Variants in DENND4A observed in about 807,000 individuals in gnomAD.
DENND4A encodes DENN domain containing 4A.
Under a neutral mutation model 199.3 loss-of-function variants are expected in DENND4A, and 70 were observed. That is an observed-to-expected ratio of 0.35 (90% CI 0.29 to 0.43). The LOEUF (loss-of-function observed/expected upper bound fraction) is 0.43. Ranked by LOEUF, DENND4A falls within the 20% of genes least tolerant of loss-of-function variation. DENND4A has a pLI of 1.00. For synonymous variants in DENND4A, 686 were observed against 766.9 expected, an observed-to-expected ratio of 0.89 and a Z score of 1.74; for missense variants, 1,723 against 2,255.8, an observed-to-expected ratio of 0.76 and a Z score of 4.78.
intron 11 of DENND4A, among the ~76,000 whole-genome samples, chr15:65,724,371 T>C (rs2075739439): frequency 7.6e-6 from 1 of 131,066 alleles, no homozygotes; most frequent in Non-Finnish European, 1.6e-5. Context: ...ACTCTACTTT[T>C]TTTTGAATCG....
intron 1 of DENND4A, among the ~76,000 whole-genome samples, chr15:65,774,745 A>G (rs2077232009): frequency 1.3e-5 from 2 of 151,992 alleles, no homozygotes; most frequent in African/African-American, 2.4e-5. Flanking sequence ...AAAATTATAA[A>G]ATTTCAGAAT....
chr15:65,702,834 G>T, intron 16 of DENND4A, 39 bp downstream of exon 16: 1 of 1,562,222 alleles, frequency 6.4e-7, no homozygotes, highest in Non-Finnish European at 8.8e-7. Flanking sequence ...TTTATTTCTT[G>T]TTCTAAAATT....
intron 15 of DENND4A, among the ~76,000 whole-genome samples, chr15:65,703,747 GC>G (rs1390160093): frequency 6.6e-6 from 1 of 152,188 alleles, no homozygotes; most frequent in African/African-American, 2.4e-5. Context: ...CAGGAGGACT[GC>G]CTGAGCCCAG....
chr15:65,731,499 CA>C (rs769508671), intron 9 of DENND4A, 142 bp downstream of exon 9: 25 of 732,492 alleles, frequency 3.4e-5, no homozygotes, highest in Non-Finnish European at 5.7e-5. Context: ...GCAACCCAAA[CA>C]TTAAGTAAAA....
chr15:65,762,585 C>A (rs2076879386), intron 1 of DENND4A, among the ~76,000 whole-genome samples: 1 of 152,152 alleles, frequency 6.6e-6, no homozygotes, highest in Admixed American at 6.5e-5. Flanking sequence ...GCCCTGATCA[C>A]ACCACTGTGC....
Position 65,668,120 on chromosome 15 carries a change from T to A in DENND4A, c.4791A>T (p.Lys1597Asn). The change falls in exon 28 of 33, where the codon AAA becomes AAT. Residue 1597 changes from lysine to asparagine, a missense_variant. Around this residue, in one of 6 missense-constraint regions of DENND4A, gnomAD observed 141 missense variants for 170.7 expected, o/e 0.83. Coordinates refer to ENST00000443035, the MANE Select transcript of DENND4A (RefSeq NM_001320835.1). Reference protein sequence around the residue: ...SVQGNFDLNSKSKLQENFCTR... With the variant: ...SVQGNFDLNSNSKLQENFCTR... Reference sequence around the variant, plus strand: ...TGCAAAAATTTTCCTGCAGTTTAGATTTGCTTGGGAATTGAAAAAAGAAGA... The same window carrying A: ...TGCAAAAATTTTCCTGCAGTTTAGAATTGCTTGGGAATTGAAAAAAGAAGA... The A allele has an allele frequency of 6.4e-7, 1 of 1,572,022 alleles. No individual in the cohort carries two copies. Among genetic ancestry groups the A allele is most frequent in the African/African-American group, 1.4e-5 (1 of 72,294 alleles).
At chr15:65,715,858 C>T (rs2075382051) in intron 13 of DENND4A, among the ~76,000 whole-genome samples, 1 of 152,092 alleles carries the variant, frequency 6.6e-6, no homozygotes, top group African/African-American at 2.4e-5. Context: ...GTTCTCTCAC[C>T]ATCTTAAAGA....
chr15:65,699,023 C>T (rs1037026459), intron 20 of DENND4A, among the ~76,000 whole-genome samples: 1 of 152,038 alleles, frequency 6.6e-6, no homozygotes, highest in African/African-American at 2.4e-5. Context: ...CAGGTGTGAG[C>T]CACTGCACCA....
chr15:65,725,555 T>C (rs2075777427), intron 11 of DENND4A, among the ~76,000 whole-genome samples: 1 of 151,926 alleles, frequency 6.6e-6, no homozygotes, highest in African/African-American at 2.4e-5. Context: ...CGGGCACCTG[T>C]GGTCCCAGCT....
At chr15:65,697,227 G>T in intron 21 of DENND4A, 40 bp downstream of exon 21, 2 of 1,248,596 alleles carry the variant, frequency 1.6e-6, no homozygotes, top group Non-Finnish European at 2.3e-6. Context: ...ATGAATATAA[G>T]TTCTCAATTT....
In DENND4A at chr15:65,737,784, A is replaced by G. The variant is rs1343799470; in HGVS notation, c.963T>C (p.Phe321=). 6.3e-7 allele frequency: 1 copy of G among 1,595,492 alleles called. No homozygotes were observed. The highest frequency in any genetic ancestry group is 8.5e-7 in the Non-Finnish European group (1 of 1,170,412). ...TCAGAAACTTCCTGAATGCATCAAAAAAAGGCCAGTGAGAAAGAAGACAGA... is the reference window on the plus strand; with the variant it reads ...TCAGAAACTTCCTGAATGCATCAAAGAAAGGCCAGTGAGAAAGAAGACAGA... The part of the protein sequence containing the change: ...KCICLLSHWP[F]FDAFRKFLTF... The change falls in exon 7 of 33, where the codon TTT becomes TTC. Residue 321 remains phenylalanine, a synonymous_variant. Transcript: ENST00000443035.
At chr15:65,729,020 A>G (rs2140372044) in intron 11 of DENND4A, 52 bp downstream of exon 11, 1 of 1,452,820 alleles carries the variant, frequency 6.9e-7, no homozygotes, top group Middle Eastern at 1.8e-4. Context: ...AGTTACATAC[A>G]TATGCTACAA....
At chr15:65,704,601 T>C (rs1486230380) in intron 15 of DENND4A, among the ~76,000 whole-genome samples, 1 of 152,078 alleles carries the variant, frequency 6.6e-6, no homozygotes, top group Non-Finnish European at 1.5e-5. Flanking sequence ...AATAATGTGG[T>C]TTTTTTGGAG....
intron 23 of DENND4A, among the ~76,000 whole-genome samples, chr15:65,678,924 C>T (rs1035147317): frequency 5.3e-5 from 8 of 152,086 alleles, no homozygotes; most frequent in Admixed American, 5.2e-4. Flanking sequence ...CTCCTAGACT[C>T]AAGTGATATG....
chr15:65,716,611 T>C (rs1009325314), intron 13 of DENND4A, among the ~76,000 whole-genome samples: 1 of 152,162 alleles, frequency 6.6e-6, no homozygotes, highest in Non-Finnish European at 1.5e-5. Flanking sequence ...CTCCATGGTA[T>C]ATACGTGCCA....
intron 14 of DENND4A, among the ~76,000 whole-genome samples, chr15:65,709,695 C>CAAAA (rs1171075195): frequency 3.6e-4 from 13 of 36,166 alleles, no homozygotes; most frequent in Admixed American, 5.3e-4. Flanking sequence ...AACTCCATCT[C>CAAAA]AAAAAAAAAA....
intron 4 of DENND4A, among the ~76,000 whole-genome samples, chr15:65,742,712 T>C (rs2076292157): frequency 1.3e-5 from 2 of 152,224 alleles, no homozygotes; most frequent in Non-Finnish European, 2.9e-5. Context: ...GTGTTGGGAT[T>C]ACAGGCGTGA....
At chr15:65,722,200 A>G (rs748695429) in intron 12 of DENND4A, among the ~76,000 whole-genome samples, 4 of 152,202 alleles carry the variant, frequency 2.6e-5, no homozygotes, top group Non-Finnish European at 5.9e-5. Context: ...TGAAAAAAAT[A>G]GGCCAGGCAT....
At chr15:65,791,720 C>T (rs2077731747) in intron 1 of DENND4A, among the ~76,000 whole-genome samples, 1 of 151,378 alleles carries the variant, frequency 6.6e-6, no homozygotes, top group African/African-American at 2.4e-5. Flanking sequence ...TCCCAAATAA[C>T]AACAGCCCCA....
Sources: gnomAD v4.1 joint callset for allele counts (sites outside exome capture counted in the v4.1 genomes callset) on GRCh38, gnomAD v4.1.1 for gene constraint, gnomAD v4.1.1 regional missense constraint, MANE v1.5 for transcripts, NCBI Gene and HGNC (gene_info 2026-07-23, HGNC 2026-07-21) for gene names.